The following NRG1 variants were observed in gnomAD, a reference collection of about 807,000 sequenced individuals.
NRG1 encodes pro-neuregulin-1, membrane-bound isoform.
Under a neutral mutation model 63.8 loss-of-function variants are expected in NRG1, and 18 were observed. The ratio of observed to expected loss-of-function variants is 0.28; its 90% confidence interval spans 0.19 to 0.42. The LOEUF is 0.42. Among genes scored for constraint, NRG1 ranks in the 10% least tolerant of loss-of-function variants. The pLI is 1.00. For synonymous variants in NRG1, 302 were observed against 301.3 expected (o/e 1.00, Z -0.02); for missense variants, 762 against 814.7 (o/e 0.94, Z 0.79).
chr8:32,492,172 T>C (rs1826668182), intron 1 of NRG1, among the ~76,000 whole-genome samples: 1 of 151,964 alleles, frequency 6.6e-6, no homozygotes, highest in African/African-American at 2.4e-5. Flanking sequence ...CCAGATTGTG[T>C]CTATTATTCA....
At chr8:32,134,736 C>T (rs964392609) in intron 1 of NRG1, among the ~76,000 whole-genome samples, 3 of 151,950 alleles carry the variant, frequency 2.0e-5, no homozygotes, top group African/African-American at 7.3e-5. Context: ...TAGAATGAGG[C>T]CAGGCACAGT....
chr8:31,808,267 A>G (rs1385128670), intron 1 of NRG1, among the ~76,000 whole-genome samples: 2 of 152,112 alleles, frequency 1.3e-5, no homozygotes, highest in Non-Finnish European at 2.9e-5. Flanking sequence ...AAGCTGATGT[A>G]TGGAAAATAT....
In NRG1 at chr8:32,026,050, T is replaced by C. The variant is rs530022583; in HGVS notation, c.37+386619T>C. On this transcript the variant is annotated intron_variant, in intron 1 of 10. Coordinates refer to the NRG1 transcript ENST00000519301. ...CAGTTAGGTTTACATTTACTAAGTT[T>C]AGAGCATATACAATCTTTTTTTCTT... Among the ~76,000 whole-genome samples the C allele has an allele frequency of 6.6e-5, 10 of 150,552 alleles. No homozygotes were observed. In the South Asian group the frequency reaches 1.9e-3, roughly 29 times the overall value.
intron 1 of NRG1, among the ~76,000 whole-genome samples, chr8:31,761,798 A>G (rs896542002): frequency 3.9e-5 from 6 of 152,220 alleles, no homozygotes; most frequent in Admixed American, 3.9e-4. Context: ...AATTGCCAAA[A>G]TGTGACACGG....
chr8:32,149,184 T>G (rs1278070439), intron 1 of NRG1, among the ~76,000 whole-genome samples: 3 of 152,300 alleles, frequency 2.0e-5, no homozygotes, highest in South Asian at 4.1e-4. Context: ...GCAAAAACAT[T>G]GTAGTATAAG....
At chr8:31,845,576 G>A (rs1292034846) in intron 1 of NRG1, among the ~76,000 whole-genome samples, 2 of 152,114 alleles carry the variant, frequency 1.3e-5, no homozygotes, top group Admixed American at 6.5e-5. Context: ...CAGCAGAGGT[G>A]AATAAGCATC....
chr8:32,647,867 A>G (rs771504207), intron 5 of NRG1: 17 of 1,613,568 alleles, frequency 1.1e-5, no homozygotes, highest in Middle Eastern at 1.6e-4. Context: ...GAACCCCTGG[A>G]CTCGTGGGCC....
In NRG1 at chr8:32,460,866, G is replaced by A. The variant is rs544216422; in HGVS notation, c.38-134962G>A. ...AGAAATAAAGAAAAGCCAACCACTC[G>A]TTCTATCCACAGAAGAAAAACACAC... On this transcript the variant is annotated intron_variant, in intron 1 of 10. Coordinates refer to the NRG1 transcript ENST00000519301. Among the ~76,000 whole-genome samples, 27 of 151,922 alleles carry A rather than the reference G, an allele frequency of 1.8e-4. No individual in the cohort carries two copies. The East Asian group carries it at 2.7e-3, about 15-fold the overall frequency.
chr8:32,188,818 G>A (rs1434469603), intron 1 of NRG1, among the ~76,000 whole-genome samples: 2 of 151,920 alleles, frequency 1.3e-5, no homozygotes, highest in Admixed American at 1.3e-4. Context: ...TTGTGGGGTG[G>A]GGGGAGGAGG....
chr8:31,764,816 G>T (rs997601566), intron 1 of NRG1, among the ~76,000 whole-genome samples: 12 of 151,334 alleles, frequency 7.9e-5, no homozygotes, highest in African/African-American at 2.2e-4. Flanking sequence ...GTATACATGT[G>T]CCATGCTGGT....
chr8:32,249,973 G>A (rs1395580301), intron 1 of NRG1, among the ~76,000 whole-genome samples: 1 of 152,086 alleles, frequency 6.6e-6, no homozygotes, highest in African/African-American at 2.4e-5. Context: ...TCATGAAGAA[G>A]GGTGGAGATG....
At chr8:32,616,969 T>C in intron 5 of NRG1, 84 bp downstream of exon 5, 1 of 1,023,646 alleles carries the variant, frequency 9.8e-7, no homozygotes, top group South Asian at 1.3e-5. Context: ...GTCTATCTTC[T>C]GCCCCTATTA....
At chr8:32,485,436 C>T (rs143264008) in intron 1 of NRG1, among the ~76,000 whole-genome samples, 329 of 152,236 alleles carry the variant, frequency 2.2e-3, no homozygotes, top group Admixed American at 4.0e-3. Context: ...TTTTCTGCTT[C>T]CTCTCTCATA....
intron 1 of NRG1, among the ~76,000 whole-genome samples, chr8:32,521,812 A>C (rs888588170): frequency 6.6e-6 from 1 of 152,186 alleles, no homozygotes; most frequent in Non-Finnish European, 1.5e-5. Flanking sequence ...TTACTCCCTC[A>C]GTTAAAAGTG....
chr8:31,891,472 A>G (rs1280042178), intron 1 of NRG1, among the ~76,000 whole-genome samples: 1 of 152,208 alleles, frequency 6.6e-6, no homozygotes, highest in African/African-American at 2.4e-5. Context: ...GCTAAAATAA[A>G]AAGATTAGTG....
chr8:32,175,180 C>T (rs181889519), intron 1 of NRG1, among the ~76,000 whole-genome samples: 6 of 152,186 alleles, frequency 3.9e-5, no homozygotes, highest in African/African-American at 1.2e-4. Flanking sequence ...GTTCAACATA[C>T]GAAAATCAAT....
At chr8:32,754,825 T>C (rs1212992350) in intron 8 of NRG1, among the ~76,000 whole-genome samples, 1 of 152,116 alleles carries the variant, frequency 6.6e-6, no homozygotes, top group Admixed American at 6.6e-5. Flanking sequence ...ATTTGAGGGC[T>C]TTAGTATAAT....
chr8:32,663,092 G>C (rs1439394589), intron 5 of NRG1, among the ~76,000 whole-genome samples: 1 of 152,188 alleles, frequency 6.6e-6, no homozygotes, highest in Non-Finnish European at 1.5e-5. Context: ...GGGGGATGTA[G>C]AATAGGCTTC....
At chr8:32,615,982 A>T (rs1847287440) in intron 4 of NRG1, among the ~76,000 whole-genome samples, 1 of 152,142 alleles carries the variant, frequency 6.6e-6, no homozygotes, top group Non-Finnish European at 1.5e-5. Context: ...CATTAGGAAA[A>T]AAAGAGCTTT....
Sources: gnomAD v4.1 joint callset for allele counts (sites outside exome capture counted in the v4.1 genomes callset) on GRCh38, gnomAD v4.1.1 for gene constraint, MANE v1.5 for transcripts, NCBI Gene and HGNC (gene_info 2026-07-23, HGNC 2026-07-21) for gene names.